The following SNTB2 variants were observed in gnomAD, a reference collection of about 807,000 sequenced individuals.
SNTB2 encodes syntrophin beta 2.
A neutral mutation model predicts 46.2 loss-of-function variants in SNTB2; 34 were observed. The ratio of observed to expected loss-of-function variants is 0.74; its 90% CI spans 0.56 to 0.98. The LOEUF (loss-of-function observed/expected upper bound fraction) is 0.98. Ranked by LOEUF, SNTB2 falls within the 50% of genes least tolerant of loss-of-function variation. The pLI is 0.00. For synonymous variants in SNTB2, 290 were observed against 312.6 expected (o/e 0.93, Z 0.76); for missense variants, 603 against 731.4 (o/e 0.82, Z 2.02).
chr16:69,224,813 T>C (rs1390469980), intron 1 of SNTB2, among the ~76,000 whole-genome samples: 1 of 152,238 alleles, frequency 6.6e-6, no homozygotes, highest in Non-Finnish European at 1.5e-5. Flanking sequence ...CTGTTACTTA[T>C]TTTGATGCTC....
rs60011703 is a variant in SNTB2 at position 69,199,595 on chromosome 16, C to CAAAAA, written c.580+11861_580+11865dup. On this transcript the variant is annotated intron_variant, in intron 1 of 6. Coordinates refer to ENST00000336278, the MANE Select transcript of SNTB2 (RefSeq NM_006750.4). ...TGGACAACAGAGTGAAACACTGCCT[C>CAAAAA]AAAAAAAAAAAAAAAAGGCGATCTT... Among the ~76,000 whole-genome samples the CAAAAA allele has an allele frequency of 1.5e-3, 115 of 76,872 alleles. 5 individuals are homozygous for CAAAAA. The highest frequency in any genetic ancestry group is 2.8e-3 in the African/African-American group (53 of 18,898). The allele number at this position is 76,872 out of a possible 152,430, so 50.4% of individuals were successfully genotyped here. A position where few individuals can be genotyped will look rare whatever the true frequency, so the allele number is the denominator to read the frequency against.
intron 1 of SNTB2, among the ~76,000 whole-genome samples, chr16:69,228,630 A>G (rs75415895): frequency 0.025 from 3,754 of 152,124 alleles, 159 homozygotes; most frequent in African/African-American, 0.085. Context: ...GGATCTGTTC[A>G]GTTTCACATA....
At chr16:69,235,686 T>A in intron 1 of SNTB2, 1 of 1,256,006 alleles carries the variant, frequency 8.0e-7, no homozygotes, top group South Asian at 1.3e-5. Context: ...TATGACAGCT[T>A]CAAACTGCTG....
intron 2 of SNTB2, among the ~76,000 whole-genome samples, chr16:69,259,314 C>T (rs7185049): frequency 0.025 from 3,539 of 142,550 alleles, 155 homozygotes; most frequent in African/African-American, 0.087. Context: ...CTCACTGCAA[C>T]CTCCACCTCC....
At chr16:69,285,299 C>A (rs921836547) in intron 5 of SNTB2, among the ~76,000 whole-genome samples, 3 of 150,570 alleles carry the variant, frequency 2.0e-5, no homozygotes, top group Non-Finnish European at 2.9e-5. Flanking sequence ...TGGTATATGA[C>A]TCGAAGTACA....
chr16:69,203,361 G>A (rs768966688), intron 1 of SNTB2, among the ~76,000 whole-genome samples: 5 of 151,918 alleles, frequency 3.3e-5, no homozygotes, highest in African/African-American at 9.7e-5. Flanking sequence ...AAGAGACAGG[G>A]TCTCACTCTG....
intron 4 of SNTB2, among the ~76,000 whole-genome samples, chr16:69,280,959 G>A (rs566217310): frequency 1.1e-4 from 16 of 152,142 alleles, no homozygotes; most frequent in Admixed American, 2.0e-4. Context: ...CACCATGCCC[G>A]GCTAATTTTT....
chr16:69,242,658 C>T (rs2152296543), intron 1 of SNTB2, among the ~76,000 whole-genome samples: 1 of 152,246 alleles, frequency 6.6e-6, no homozygotes, highest in East Asian at 1.9e-4. Context: ...GTTTTTGTCA[C>T]TCTAAAGAAG....
intron 5 of SNTB2, among the ~76,000 whole-genome samples, chr16:69,292,390 T>TATATATATTATATATATATTA (rs1491243599): frequency 1.6e-4 from 2 of 12,750 alleles, no homozygotes; most frequent in Non-Finnish European, 2.4e-4. Context: ...TATATATATA[T>TATATATATTATATATATATTA]TATATATATA....
At chr16:69,198,203 G>T (rs1011023196) in intron 1 of SNTB2, among the ~76,000 whole-genome samples, 1 of 151,644 alleles carries the variant, frequency 6.6e-6, no homozygotes, top group African/African-American at 2.4e-5. Flanking sequence ...CCACCTCGCG[G>T]GTTCAAGCGA....
intron 5 of SNTB2, among the ~76,000 whole-genome samples, chr16:69,284,460 A>G (rs11644315): frequency 0.25 from 3,241 of 13,166 alleles, 226 homozygotes; most frequent in African/African-American, 0.39. Context: ...CGTCTTTACT[A>G]AAAAAAAAAA....
intron 3 of SNTB2, among the ~76,000 whole-genome samples, chr16:69,269,791 A>G (rs1233914224): frequency 2.0e-5 from 3 of 152,046 alleles, no homozygotes; most frequent in Non-Finnish European, 4.4e-5. Context: ...AGAATTGACA[A>G]TATTGGCCAG....
intron 5 of SNTB2, among the ~76,000 whole-genome samples, chr16:69,295,356 TCTC>T (rs1223551580): frequency 5.3e-5 from 8 of 149,582 alleles, no homozygotes; most frequent in Non-Finnish European, 1.0e-4. Flanking sequence ...TTCAAGGAAT[TCTC>T]CTGCCTCAGC....
chr16:69,297,862 C>T (rs1051183546), intron 5 of SNTB2, among the ~76,000 whole-genome samples: 11 of 152,028 alleles, frequency 7.2e-5, no homozygotes, highest in African/African-American at 1.9e-4. Flanking sequence ...TGCAATGAAC[C>T]GAGATCACGC....
In SNTB2 at chr16:69,232,502, C is replaced by CTTTTTTTTTT; in HGVS notation, c.581-13082_581-13073dup. 3.1e-5 allele frequency among the ~76,000 whole-genome samples: 2 copies of CTTTTTTTTTT among 63,860 alleles called. 1 individual carries two copies. 41.9% of individuals were successfully genotyped at this position (63,860 alleles called of 152,430 possible). A position where few individuals can be genotyped will look rare whatever the true frequency, so the allele number is the denominator to read the frequency against. On this transcript the variant is annotated intron_variant, in intron 1 of 6. Coordinates refer to ENST00000336278, the MANE Select transcript of SNTB2 (RefSeq NM_006750.4). The stretch of plus-strand genomic sequence containing the variant: ...TTACAGGTGTGAGCCACGGTGCGGC[C>CTTTTTTTTTT]TTTTTTTTTTTTTTTTTTTTTTTTT...
At chr16:69,227,216 G>C (rs1964467804) in intron 1 of SNTB2, among the ~76,000 whole-genome samples, 1 of 152,224 alleles carries the variant, frequency 6.6e-6, no homozygotes, top group African/African-American at 2.4e-5. Context: ...AAGTATATCT[G>C]TATTTGTGCA....
intron 1 of SNTB2, among the ~76,000 whole-genome samples, chr16:69,189,303 A>T (rs1391389909): frequency 2.6e-5 from 4 of 152,182 alleles, no homozygotes; most frequent in Admixed American, 1.3e-4. Context: ...TGTCCAAAAA[A>T]AACTGTTACT....
intron 1 of SNTB2, among the ~76,000 whole-genome samples, chr16:69,218,467 G>GC (rs1252516081): frequency 6.6e-6 from 1 of 151,376 alleles, no homozygotes; most frequent in African/African-American, 2.4e-5. Context: ...TGTTGCCCAG[G>GC]CTGGAGTGCA....
intron 1 of SNTB2, among the ~76,000 whole-genome samples, chr16:69,203,358 A>G (rs1047403885): frequency 6.6e-6 from 1 of 151,728 alleles, no homozygotes; most frequent in African/African-American, 2.4e-5. Context: ...TTTAAGAGAC[A>G]GGGTCTCACT....
Sources: allele counts gnomAD v4.1 joint callset (sites outside exome capture counted in the v4.1 genomes callset), GRCh38; gene constraint gnomAD v4.1.1; transcripts MANE v1.5; gene names NCBI Gene and HGNC (gene_info 2026-07-23, HGNC 2026-07-21).